The following ZNF652 variants were observed in gnomAD, a reference collection of about 807,000 sequenced individuals.
The protein encoded by ZNF652 is zinc finger protein 652.
In ZNF652, 16 loss-of-function variants were observed where a neutral mutation model predicts 45.2. That is an observed-to-expected ratio of 0.35 (90% confidence interval 0.24 to 0.54). ZNF652 has a LOEUF of 0.54. Among genes scored for constraint, ZNF652 ranks in the 20% least tolerant of loss-of-function variants. ZNF652 has a pLI of 0.91. For missense variants in ZNF652, 614 were observed against 765.6 expected, an observed-to-expected ratio of 0.80 and a Z score of 2.34; for synonymous variants, 250 against 260.6, an observed-to-expected ratio of 0.96 and a Z score of 0.39.
intron 1 of ZNF652, among the ~76,000 whole-genome samples, chr17:49,339,373 AC>A (rs1385821510): frequency 7.0e-6 from 1 of 142,476 alleles, no homozygotes; most frequent in Non-Finnish European, 1.5e-5. Flanking sequence ...TTATTTCAGG[AC>A]CTATTTAAAA....
Position 49,317,763 on chromosome 17 carries a change from A to G in ZNF652, c.-38T>C. 6.7e-7 allele frequency: 1 copy of G among 1,498,010 alleles called. No individual in the cohort carries two copies. Among genetic ancestry groups the G allele is most frequent in the Non-Finnish European group, 8.9e-7 (1 of 1,121,988 alleles). 92.8% of individuals were successfully genotyped at this position (1,498,010 alleles called of 1,614,324 possible). A position where few individuals can be genotyped will look rare whatever the true frequency, so the allele number is the denominator to read the frequency against. On this transcript the variant is annotated 5_prime_UTR_variant, in exon 2 of 6. Coordinates refer to ENST00000430262, the MANE Select transcript of ZNF652 (RefSeq NM_001145365.3). ...CAATTTATTAAACAGTTCAGACTAT[A>G]AAGAAATAGCTTTAAAACAAGGTAA...
At chr17:49,321,171 C>G (rs952726629) in intron 1 of ZNF652, among the ~76,000 whole-genome samples, 9 of 152,158 alleles carry the variant, frequency 5.9e-5, no homozygotes, top group African/African-American at 2.2e-4. Context: ...TTCCTTCTGG[C>G]ACAGTGGCTA....
intron 1 of ZNF652, among the ~76,000 whole-genome samples, chr17:49,334,792 A>AG (rs2070062743): frequency 6.6e-6 from 1 of 151,996 alleles, no homozygotes; most frequent in Admixed American, 6.6e-5. Context: ...AAAAAAAAAA[A>AG]AGGGAATGTA....
intron 1 of ZNF652, among the ~76,000 whole-genome samples, chr17:49,353,976 G>GATC (rs1567701455): frequency 2.0e-5 from 3 of 152,152 alleles, no homozygotes; most frequent in African/African-American, 7.2e-5. Context: ...TTCCATAAGA[G>GATC]GTGATGAAAG....
At chr17:49,302,431 G>C (rs892119769) in intron 5 of ZNF652, among the ~76,000 whole-genome samples, 2 of 150,518 alleles carry the variant, frequency 1.3e-5, no homozygotes, top group African/African-American at 4.9e-5. Context: ...TGGGACTACA[G>C]GCACGTACCA....
chr17:49,356,247 G>A (rs1253108633), intron 1 of ZNF652, among the ~76,000 whole-genome samples: 1 of 151,530 alleles, frequency 6.6e-6, no homozygotes, highest in Non-Finnish European at 1.5e-5. Context: ...CTAACATGGC[G>A]AAATCCTGTC....
At chr17:49,335,009 T>C (rs2070065425) in intron 1 of ZNF652, among the ~76,000 whole-genome samples, 1 of 151,982 alleles carries the variant, frequency 6.6e-6, no homozygotes, top group South Asian at 2.1e-4. Context: ...CAGGTTTCTT[T>C]TGGGGGCAAT....
intron 1 of ZNF652, among the ~76,000 whole-genome samples, chr17:49,330,178 T>C (rs1035208276): frequency 6.6e-6 from 1 of 152,192 alleles, no homozygotes; most frequent in African/African-American, 2.4e-5. Flanking sequence ...TTCAGTGCCC[T>C]TAAAACCAAC....
At chr17:49,349,367 C>T (rs1008678749) in intron 1 of ZNF652, among the ~76,000 whole-genome samples, 6 of 152,076 alleles carry the variant, frequency 3.9e-5, no homozygotes, top group Non-Finnish European at 7.4e-5. Context: ...CCATTGCACT[C>T]CAACCAGGGA....
intron 1 of ZNF652, among the ~76,000 whole-genome samples, chr17:49,324,444 G>A (rs2069934061): frequency 6.6e-6 from 1 of 152,044 alleles, no homozygotes. Flanking sequence ...AGGCTGGAGT[G>A]CAGTGGCGTG....
rs148298271 is a variant in ZNF652 at position 49,290,389 on chromosome 17, GCA to G, written c.*8022_*8023del. 11,116 of 152,306 alleles carry G rather than the reference GCA, an allele frequency of 0.073. 473 individuals carry two copies. Among genetic ancestry groups the G allele is most frequent in the Middle Eastern group, 0.14 (42 of 294 alleles). The allele number at this position is 152,306 out of a possible 1,614,324, so 9.4% of individuals were successfully genotyped here. On this transcript the variant is annotated 3_prime_UTR_variant, in exon 6 of 6. Coordinates refer to ENST00000430262, the MANE Select transcript of ZNF652 (RefSeq NM_001145365.3). ...TAGACAAGTAACTGACAGAGAGGGA[GCA>G]CACACAGTTTCTAACCTGGAGTGCC...
chr17:49,325,242 A>G (rs937470168), intron 1 of ZNF652, among the ~76,000 whole-genome samples: 4 of 152,276 alleles, frequency 2.6e-5, no homozygotes, highest in South Asian at 2.1e-4. Flanking sequence ...AGGCCACTGT[A>G]GAGTTATTAA....
intron 1 of ZNF652, among the ~76,000 whole-genome samples, chr17:49,341,368 G>A (rs2070144082): frequency 6.6e-6 from 1 of 151,616 alleles, no homozygotes; most frequent in African/African-American, 2.4e-5. Flanking sequence ...AAAAAAGATG[G>A]ATGGCTGGGC....
intron 5 of ZNF652, among the ~76,000 whole-genome samples, chr17:49,303,284 A>C (rs1405578323): frequency 1.6e-5 from 2 of 125,036 alleles, no homozygotes; most frequent in Non-Finnish European, 3.1e-5. Flanking sequence ...TCTGTCACCC[A>C]GGCTGGAGTG....
intron 1 of ZNF652, among the ~76,000 whole-genome samples, chr17:49,324,915 A>ATT (rs1351187248): frequency 1.3e-5 from 2 of 149,168 alleles, no homozygotes; most frequent in African/African-American, 4.9e-5. Context: ...TAATTTTTGT[A>ATT]TTTTTAATAG....
chr17:49,324,863 A>G (rs1200184047), intron 1 of ZNF652, among the ~76,000 whole-genome samples: 1 of 147,142 alleles, frequency 6.8e-6, no homozygotes, highest in East Asian at 2.0e-4. Context: ...GCCTCAGCCT[A>G]CCGAGTAGCT....
In ZNF652 at chr17:49,313,668, T is replaced by C. The variant is rs888794578; in HGVS notation, c.901-823A>G. Among the ~76,000 whole-genome samples, 5 of 152,220 alleles carry C rather than the reference T, an allele frequency of 3.3e-5. 1 individual carries two copies. Among genetic ancestry groups the C allele is most frequent in the Middle Eastern group, 6.8e-3 (2 of 294 alleles). On this transcript the variant is annotated intron_variant, in intron 2 of 5. Transcript: ENST00000430262. Reference sequence around the variant, plus strand: ...GTATGTAGAAATATAAAAATGTTTTTATGCCTTAGAAAATGCATTTGGAGC... The same window carrying C: ...GTATGTAGAAATATAAAAATGTTTTCATGCCTTAGAAAATGCATTTGGAGC...
At chr17:49,360,136 G>A (rs1263409067) in intron 1 of ZNF652, among the ~76,000 whole-genome samples, 1 of 152,044 alleles carries the variant, frequency 6.6e-6, no homozygotes, top group Non-Finnish European at 1.5e-5. Context: ...AGGAAAACGA[G>A]GAAATGATAA....
chr17:49,311,066 C>T (rs1411313722), intron 5 of ZNF652, among the ~76,000 whole-genome samples: 1 of 152,118 alleles, frequency 6.6e-6, no homozygotes, highest in Non-Finnish European at 1.5e-5. Flanking sequence ...CACGTAAAGA[C>T]CCCATTGTCT....
Sources: gnomAD v4.1 joint callset for allele counts (sites outside exome capture counted in the v4.1 genomes callset) on GRCh38, gnomAD v4.1.1 for gene constraint, MANE v1.5 for transcripts, NCBI Gene and HGNC (gene_info 2026-07-23, HGNC 2026-07-21) for gene names.